Variants in KCNQ5 observed in about 807,000 individuals in gnomAD.
KCNQ5 encodes potassium voltage-gated channel subfamily Q member 5.
Under a neutral mutation model 98.2 loss-of-function variants are expected in KCNQ5, and 30 were observed. The observed-to-expected ratio is 0.31, with a 90% CI of 0.23 to 0.41. The LOEUF is 0.41. Ranked by LOEUF, KCNQ5 falls within the 10% of genes least tolerant of loss-of-function variation. KCNQ5 has a pLI of 1.00. For synonymous variants in KCNQ5, 458 were observed against 449.4 expected, an observed-to-expected ratio of 1.02 and a Z score of -0.24; for missense variants, 835 against 1,182.5, an observed-to-expected ratio of 0.71 and a Z score of 4.31.
chr6:72,632,732 C>T (rs1304518316), intron 1 of KCNQ5, among the ~76,000 whole-genome samples: 2 of 152,100 alleles, frequency 1.3e-5, no homozygotes, highest in Admixed American at 1.3e-4. Flanking sequence ...CTTCCAGCTA[C>T]ATCCATGTTG....
chr6:73,022,869 A>G (rs1221056428), intron 2 of KCNQ5, among the ~76,000 whole-genome samples: 2 of 152,200 alleles, frequency 1.3e-5, no homozygotes, highest in Non-Finnish European at 2.9e-5. Context: ...GGTCAGGTAG[A>G]TGAACAGAAG....
At chr6:72,626,566 A>C (rs1194695236) in intron 1 of KCNQ5, among the ~76,000 whole-genome samples, 1 of 152,238 alleles carries the variant, frequency 6.6e-6, no homozygotes, top group African/African-American at 2.4e-5. Flanking sequence ...CAGGGGAATG[A>C]TATAATCAGA....
At chr6:72,987,287 G>T in intron 1 of KCNQ5, 1 of 694,372 alleles carries the variant, frequency 1.4e-6, no homozygotes, top group South Asian at 1.4e-5. Flanking sequence ...CGGACTTAGA[G>T]GTGGTGTTGG....
At position 73,198,252 on chromosome 6, in the gene KCNQ5, T is replaced by C. The variant is rs998033897; in HGVS notation, c.*2838T>C. ...TACTTAATTGCAAATATCCCTTGTA[T>C]GAGGTTAACTAAAAAAATTTTGCTA... On this transcript the variant is annotated 3_prime_UTR_variant, in exon 14 of 14. Coordinates refer to ENST00000370398, the MANE Select transcript of KCNQ5 (RefSeq NM_019842.4). 5 of 152,242 alleles carry C rather than the reference T, an allele frequency of 3.3e-5. No individual in the cohort carries two copies. The highest frequency in any genetic ancestry group is 1.2e-4 in the African/African-American group (5 of 41,468). 9.4% of individuals were successfully genotyped at this position (152,242 alleles called of 1,614,324 possible).
chr6:72,748,197 G>GT (rs753549765), intron 1 of KCNQ5, among the ~76,000 whole-genome samples: 4 of 151,986 alleles, frequency 2.6e-5, no homozygotes, highest in Non-Finnish European at 2.9e-5. Context: ...TTGTTTGTTT[G>GT]TTTTTTTAAT....
chr6:73,054,072 G>A (rs1772356126), intron 3 of KCNQ5, among the ~76,000 whole-genome samples: 1 of 152,036 alleles, frequency 6.6e-6, no homozygotes, highest in African/African-American at 2.4e-5. Flanking sequence ...ACACCTCTAT[G>A]CACACAAACT....
At chr6:72,756,119 A>G (rs1401215288) in intron 1 of KCNQ5, among the ~76,000 whole-genome samples, 2 of 152,172 alleles carry the variant, frequency 1.3e-5, no homozygotes, top group Non-Finnish European at 2.9e-5. Context: ...TGAAACTTTT[A>G]GCTAATTTTT....
At chr6:72,748,143 C>T (rs1582215825) in intron 1 of KCNQ5, among the ~76,000 whole-genome samples, 1 of 152,132 alleles carries the variant, frequency 6.6e-6, no homozygotes, top group East Asian at 1.9e-4. Context: ...AGAGTAGTTG[C>T]TGTCTGTGAT....
intron 1 of KCNQ5, among the ~76,000 whole-genome samples, chr6:72,907,779 G>A (rs978706068): frequency 2.0e-5 from 3 of 151,978 alleles, no homozygotes; most frequent in Non-Finnish European, 4.4e-5. Context: ...GGCAAAATAG[G>A]TTAGCTGAGG....
At chr6:73,175,793 A>G (rs1778190205) in intron 11 of KCNQ5, among the ~76,000 whole-genome samples, 1 of 152,224 alleles carries the variant, frequency 6.6e-6, no homozygotes, top group Non-Finnish European at 1.5e-5. Context: ...AGTCAATTAC[A>G]ATGCAGAGCA....
intron 1 of KCNQ5, among the ~76,000 whole-genome samples, chr6:72,919,433 G>A (rs966435527): frequency 6.6e-6 from 1 of 152,090 alleles, no homozygotes. Flanking sequence ...AAATATGTCA[G>A]GTACTTTTCT....
chr6:73,194,388 A>G, intron 13 of KCNQ5, 64 bp from the exon 14 acceptor site: 4 of 1,454,502 alleles, frequency 2.8e-6, no homozygotes, highest in South Asian at 1.4e-5. Context: ...TTTCAAAATT[A>G]AAAAATGAAG....
chr6:73,048,767 C>T (rs1772084383), intron 3 of KCNQ5, among the ~76,000 whole-genome samples: 2 of 152,000 alleles, frequency 1.3e-5, no homozygotes, highest in African/African-American at 4.8e-5. Flanking sequence ...TGAAATTTTA[C>T]ATTGTTTTTT....
rs537611911 is a variant in KCNQ5 at position 72,923,654 on chromosome 6, T to C, written c.399-80254T>C. On this transcript the variant is annotated intron_variant, in intron 1 of 13. Transcript: ENST00000370398. ...ACATGGGTATATTGCACACAGGTAA[T>C]GAGTATAGTACCCAATAGGTAGTTT... Among the ~76,000 whole-genome samples the C allele has an allele frequency of 9.2e-5, 14 of 152,300 alleles. 1 individual carries two copies. The South Asian group carries it at 2.7e-3, about 29-fold the overall frequency.
chr6:73,058,273 G>A (rs533847061), intron 3 of KCNQ5, among the ~76,000 whole-genome samples: 1 of 152,070 alleles, frequency 6.6e-6, no homozygotes, highest in African/African-American at 2.4e-5. Flanking sequence ...TTAGCTGGGC[G>A]AGGTGGCGGG....
chr6:72,680,389 A>C (rs985893387), intron 1 of KCNQ5, among the ~76,000 whole-genome samples: 2 of 152,232 alleles, frequency 1.3e-5, no homozygotes, highest in African/African-American at 4.8e-5. Context: ...AATAATATTC[A>C]GTTGTGTGGA....
chr6:72,690,010 AC>A (rs1768134295), intron 1 of KCNQ5, among the ~76,000 whole-genome samples: 1 of 152,194 alleles, frequency 6.6e-6, no homozygotes, highest in Non-Finnish European at 1.5e-5. Context: ...GCGGTTGCTT[AC>A]GTCTATAATT....
At chr6:73,058,518 T>G (rs973047878) in intron 3 of KCNQ5, among the ~76,000 whole-genome samples, 4 of 152,168 alleles carry the variant, frequency 2.6e-5, no homozygotes, top group Non-Finnish European at 5.9e-5. Context: ...CAAAAGCGAT[T>G]GCAGCAAAAA....
At chr6:72,922,454 G>A (rs1289700394) in intron 1 of KCNQ5, among the ~76,000 whole-genome samples, 2 of 152,040 alleles carry the variant, frequency 1.3e-5, no homozygotes, top group East Asian at 3.8e-4. Context: ...TAATTTTCAA[G>A]TAGGCAGTAC....
Sources: allele counts gnomAD v4.1 joint callset (sites outside exome capture counted in the v4.1 genomes callset), GRCh38; gene constraint gnomAD v4.1.1; transcripts MANE v1.5; gene names NCBI Gene and HGNC (gene_info 2026-07-23, HGNC 2026-07-21).